Variants in PCSK4 observed in about 807,000 individuals in gnomAD.
PCSK4 encodes the protein testicular tissue protein Li 135.
A neutral mutation model predicts 80.3 loss-of-function variants in PCSK4; 64 were observed. The observed-to-expected ratio is 0.80, with a 90% CI of 0.65 to 0.98. The LOEUF is 0.98. PCSK4 is among the 50% of genes least tolerant of loss of function. The probability of loss-of-function intolerance (pLI) is 0.00; values close to 1 mark genes in which losing one functional copy is unlikely to be tolerated. For synonymous variants in PCSK4, 561 were observed against 487.6 expected (o/e 1.15, Z -1.98); for missense variants, 1,213 against 1,093.6 (o/e 1.11, Z -1.54).
In PCSK4 at chr19:1,490,169, T is replaced by G. The variant is rs573266094; in HGVS notation, c.178A>C (p.Asn60His). ...CCGGTCCCACCCACCGGCCCCAGGTTGACGAAGCCGAATTTGCGTGCCAGG... is the reference window on the plus strand; with the variant it reads ...CCGGTCCCACCCACCGGCCCCAGGTGGACGAAGCCGAATTTGCGTGCCAGG... Residue 60 changes from asparagine to histidine, a missense_variant, in exon 1 of 15, where the codon AAC becomes CAC. By Grantham distance (68) the Asn-to-His change is moderately conservative (BLOSUM62 1). Coordinates refer to ENST00000300954, the Ensembl canonical transcript of PCSK4. The G allele has an allele frequency of 3.7e-6, 6 of 1,613,558 alleles. No homozygotes were observed. The South Asian group carries it at 5.5e-5, about 15-fold the overall frequency.
intron 6 of PCSK4, 107 bp downstream of exon 6, chr19:1,487,492 ACCAC>A: frequency 9.4e-7 from 1 of 1,060,114 alleles, no homozygotes; most frequent in Admixed American, 2.1e-5. Context: ...GGGCCCTAGC[ACCAC>A]CCAGCAGTGA....
rs553813701 is a variant in PCSK4 at position 1,482,572 on chromosome 19, G to A, written c.1697-97C>T. On this transcript the variant is annotated intron_variant, in intron 13 of 14. Coordinates refer to ENST00000300954, the Ensembl canonical transcript of PCSK4. Reference sequence around the variant, plus strand: ...GCTCCCTCCCCTTCAGCTCCCACGCGGGGCCCTGGACTGGTTCACATCTCT... The same window carrying A: ...GCTCCCTCCCCTTCAGCTCCCACGCAGGGCCCTGGACTGGTTCACATCTCT... 3.0e-5 allele frequency: 43 copies of A among 1,455,450 alleles called. No homozygotes were observed. The East Asian group carries it at 4.4e-4, about 15-fold the overall frequency. 90.2% of individuals were successfully genotyped at this position (1,455,450 alleles called of 1,614,324 possible). A position where few individuals can be genotyped will look rare whatever the true frequency, so the allele number is the denominator to read the frequency against.
chr19:1,482,306 GGCC>G (rs771986547), intron 14 of PCSK4, 44 bp downstream of exon 14: 7 of 1,533,068 alleles, frequency 4.6e-6, no homozygotes, highest in South Asian at 1.2e-5. Flanking sequence ...TGCCCACGGT[GGCC>G]GCCACCGCCT....
chr19:1,483,951 G>C lies in PCSK4; in HGVS notation c.1170-10C>G, dbSNP rs373298079. 2.4e-4 allele frequency: 336 copies of C among 1,422,034 alleles called. 1 individual carries two copies. In the Middle Eastern group the frequency reaches 3.5e-3, roughly 15 times the overall value. 88.1% of individuals were successfully genotyped at this position (1,422,034 alleles called of 1,614,324 possible). Reference sequence around the variant, plus strand: ...CCACGTCAGGAACGGGCTGCGGGGGGCGGGGGCGGGGGCGGGTGAGCCGCC... The same window carrying C: ...CCACGTCAGGAACGGGCTGCGGGGGCCGGGGGCGGGGGCGGGTGAGCCGCC... On this transcript the variant is annotated splice_polypyrimidine_tract_variant and intron_variant, in intron 9 of 14. Transcript: ENST00000300954.
intron 6 of PCSK4, 109 bp downstream of exon 6, chr19:1,487,494 C>T (rs2084691796): frequency 1.9e-6 from 2 of 1,077,924 alleles, no homozygotes; most frequent in Non-Finnish European, 2.7e-6. Flanking sequence ...GCCCTAGCAC[C>T]ACCCAGCAGT....
intron 12 of PCSK4, 27 bp downstream of exon 12, chr19:1,483,257 G>A (rs995032468): frequency 1.6e-5 from 25 of 1,528,426 alleles, no homozygotes; most frequent in East Asian, 2.4e-5. Flanking sequence ...GCATGAGGCC[G>A]CCCCCTCTCC....
intron 2 of PCSK4, chr19:1,489,485 C>A: frequency 2.7e-6 from 1 of 373,024 alleles, no homozygotes; most frequent in Non-Finnish European, 4.9e-6. Flanking sequence ...CCCCTTCCCT[C>A]CATCCCATGA....
At chr19:1,483,246 G>A (rs774026223) in intron 12 of PCSK4, 38 bp downstream of exon 12, 69 of 1,502,740 alleles carry the variant, frequency 4.6e-5, no homozygotes, top group Non-Finnish European at 6.0e-5. Flanking sequence ...TTACCGACAG[G>A]GCATGAGGCC....
At chr19:1,483,217 T>G in intron 12 of PCSK4, 67 bp downstream of exon 12, 3 of 1,426,698 alleles carry the variant, frequency 2.1e-6, no homozygotes, top group Non-Finnish European at 2.8e-6. Context: ...GTGAGGACAC[T>G]CCGGGTAGAT....
chr19:1,482,193 CG>C lies in PCSK4; in HGVS notation c.1833del (p.Ala612ProfsTer23). On this transcript the variant is annotated frameshift_variant, in exon 15 of 15. Coordinates refer to ENST00000300954, the Ensembl canonical transcript of PCSK4. LOFTEE classifies it low-confidence loss of function (END_TRUNC). ...AGGCAGAGCTGTCCCAGGATGTAGG[CG>C]GGGCCGTCACACGCTGCTCGGGGAC... 6.5e-7 allele frequency: 1 copy of C among 1,542,616 alleles called. No individual in the cohort carries two copies. Among genetic ancestry groups the C allele is most frequent in the South Asian group, 1.2e-5 (1 of 84,648 alleles).
At chr19:1,482,006 G>C in exon 15 of PCSK4, 1 of 1,583,562 alleles carries the variant, frequency 6.3e-7, no homozygotes, top group Middle Eastern at 2.0e-4. Context: ...GTCCAGCGTG[G>C]AGGATGGGGG....
At chr19:1,490,262 C>G in exon 1 of PCSK4, 2 of 1,607,306 alleles carry the variant, frequency 1.2e-6, no homozygotes. Context: ...GGGGCTCGGA[C>G]CGGGGCCCAC....
At position 1,483,124 on chromosome 19, in the gene PCSK4, G is replaced by T. The variant is rs564794032; in HGVS notation, c.1572-104C>A. The stretch of plus-strand genomic sequence containing the variant: ...TGACCGCACGCGCTGGTGGCCGCGT[G>T]TCCTCTGGGTGTGGGTGAGGGTGTG... On this transcript the variant is annotated intron_variant, in intron 12 of 14. Coordinates refer to ENST00000300954, the Ensembl canonical transcript of PCSK4. The T allele has an allele frequency of 1.2e-4, 149 of 1,274,140 alleles. 1 individual carries two copies. In the South Asian group the frequency reaches 2.1e-3, roughly 18 times the overall value. 78.9% of individuals were successfully genotyped at this position (1,274,140 alleles called of 1,614,324 possible).
In PCSK4 at chr19:1,483,656, C is replaced by T. The variant is rs762489541; in HGVS notation, c.1385G>A (p.Arg462His). 1.5e-5 allele frequency: 24 copies of T among 1,586,392 alleles called. No individual in the cohort carries two copies. The Admixed American group carries it at 3.7e-4, about 25-fold the overall frequency. ...GGGCGCGCAGGGGTCTCACGTGGGGCGGCTCTGGACCCGGACGGCGCACTT... is the reference window on the plus strand; with the variant it reads ...GGGCGCGCAGGGGTCTCACGTGGGGTGGCTCTGGACCCGGACGGCGCACTT... The change falls in exon 11 of 15, where the codon CGC (arginine) becomes CAC (histidine). Residue 462 changes from arginine to histidine, a missense_variant. Coordinates refer to ENST00000300954, the Ensembl canonical transcript of PCSK4.
intron 2 of PCSK4, among the ~76,000 whole-genome samples, chr19:1,489,192 C>A (rs1013886883): frequency 1.2e-4 from 17 of 145,066 alleles, no homozygotes; most frequent in African/African-American, 4.4e-4. Context: ...AGTGCAATGG[C>A]GCGATCTCGG....
chr19:1,483,714 C>A (rs775122503), exon 11 of PCSK4: 1 of 1,595,714 alleles, frequency 6.3e-7, no homozygotes, highest in Non-Finnish European at 8.5e-7. Context: ...CAGGTGCGGG[C>A]GGTGTCCACC....
intron 8 of PCSK4, among the ~76,000 whole-genome samples, chr19:1,486,561 G>T (rs2084624759): frequency 6.6e-6 from 1 of 151,836 alleles, no homozygotes; most frequent in Non-Finnish European, 1.5e-5. Context: ...CTCCCAAAGT[G>T]CTGGGATTAC....
chr19:1,486,670 G>T (rs1198374700), intron 8 of PCSK4, among the ~76,000 whole-genome samples, 183 bp downstream of exon 8: 2 of 152,008 alleles, frequency 1.3e-5, no homozygotes, highest in Non-Finnish European at 2.9e-5. Flanking sequence ...CTGACCTTGT[G>T]ATCTGCCTGC....
chr19:1,483,037 G>T lies in PCSK4; in HGVS notation c.1572-17C>A. The T allele has an allele frequency of 2.0e-6, 3 of 1,495,666 alleles. No homozygotes were observed. The highest frequency in any genetic ancestry group is 1.3e-5 in the South Asian group (1 of 75,290). 92.6% of individuals were successfully genotyped at this position (1,495,666 alleles called of 1,614,324 possible). A position where few individuals can be genotyped will look rare whatever the true frequency, so the allele number is the denominator to read the frequency against. ...TCCAAGGGTCTGGGACAGAAGGGTG[G>T]GTGGGGGTGGGGGTGTCAAGAGGGA... On this transcript the variant is annotated splice_polypyrimidine_tract_variant and intron_variant, in intron 12 of 14. Coordinates refer to ENST00000300954, the Ensembl canonical transcript of PCSK4.
Sources: allele counts gnomAD v4.1 joint callset (sites outside exome capture counted in the v4.1 genomes callset), GRCh38; gene constraint gnomAD v4.1.1; transcripts MANE v1.5; gene names NCBI Gene and HGNC (gene_info 2026-07-23, HGNC 2026-07-21).